The following ADAMTS13 variants were observed in gnomAD, a reference collection of about 807,000 sequenced individuals.
ADAMTS13 encodes ADAM metallopeptidase with thrombospondin type 1 motif 13, also known as A disintegrin and metalloproteinase with thrombospondin motifs 13.
ADAMTS13 carries 110 observed loss-of-function variants against 155.1 expected under a neutral mutation model. The observed-to-expected ratio is 0.71, with a 90% confidence interval of 0.61 to 0.83. ADAMTS13 has a LOEUF of 0.83. ADAMTS13 is among the 40% of genes least tolerant of loss of function. ADAMTS13 has a pLI of 0.00. For missense variants in ADAMTS13, 1,707 were observed against 1,891.7 expected (o/e 0.90, Z 1.81); for synonymous variants, 758 against 756.4 (o/e 1.00, Z -0.03).
Position 133,441,004 on chromosome 9 carries a change from G to A in ADAMTS13, c.1968+479G>A, listed in dbSNP as rs587755899. 8.1e-4 allele frequency among the ~76,000 whole-genome samples: 124 copies of A among 152,272 alleles called. No individual in the cohort carries two copies. The highest frequency in any genetic ancestry group is 1.3e-3 in the Non-Finnish European group (88 of 68,006). The stretch of plus-strand genomic sequence containing the variant: ...CAGTGGCATCTGGGGAGTAGGCCTT[G>A]GTGCTGAGGAAGCTGAGAACAGATG... On this transcript the variant is annotated intron_variant, in intron 16 of 28. Coordinates refer to ENST00000355699, the MANE Select transcript of ADAMTS13 (RefSeq NM_139027.6). The surrounding 1 kb of genome is among the most constrained non-coding windows in gnomAD (Gnocchi z 5.0).
chr9:133,444,773 G>T, intron 19 of ADAMTS13, 90 bp from the exon 20 acceptor site: 1 of 1,380,598 alleles, frequency 7.2e-7, no homozygotes, highest in Non-Finnish European at 1.0e-6. Flanking sequence ...TGGGGAGCAG[G>T]TCCCCTTCCT....
chr9:133,426,577 C>A (rs1490075429), intron 6 of ADAMTS13, among the ~76,000 whole-genome samples: 1 of 152,170 alleles, frequency 6.6e-6, no homozygotes, highest in Non-Finnish European at 1.5e-5. Flanking sequence ...AAAATAACTT[C>A]TGTAGAAAAT....
chr9:133,420,399 T>C (rs1161836404), upstream of ADAMTS13, among the ~76,000 whole-genome samples: 2 of 152,214 alleles, frequency 1.3e-5, no homozygotes, highest in African/African-American at 2.4e-5. Flanking sequence ...TTCCAGCAGT[T>C]TGTAAACCAG....
In ADAMTS13 at chr9:133,436,896, G is replaced by T. The variant is rs782733057; in HGVS notation, c.1376G>T (p.Arg459Leu). 3 of 1,588,002 alleles carry T rather than the reference G, an allele frequency of 1.9e-6. No homozygotes were observed. The highest frequency in any genetic ancestry group is 2.7e-5 in the African/African-American group (2 of 74,566). The change falls in exon 12 of 29, where the codon CGC becomes CTC. Residue 459 changes from arginine to leucine, a missense_variant. By Grantham distance (102) the Arg-to-Leu change is moderately radical (BLOSUM62 -2). Coordinates refer to ENST00000355699, the MANE Select transcript of ADAMTS13 (RefSeq NM_139027.6). ...GCCAGGACCGACGGCCAGCCGCTGC[G>T]CTCCTCCCCTGGCGGCGCCTCCTTC... Reference protein sequence around the residue: ...QCARTDGQPLRSSPGGASFYH... With the variant: ...QCARTDGQPLLSSPGGASFYH...
intron 6 of ADAMTS13, among the ~76,000 whole-genome samples, chr9:133,427,130 AG>A (rs1554785509): frequency 6.6e-6 from 1 of 152,180 alleles, no homozygotes; most frequent in African/African-American, 2.4e-5. Context: ...GGGTAAGTGC[AG>A]GATTTACCTG....
chr9:133,428,704 G>GGCGCC lies in ADAMTS13; in HGVS notation c.763_767dup (p.Ala258ProfsTer16). The GGCGCC allele has an allele frequency of 7.4e-7, 1 of 1,353,024 alleles. No individual in the cohort carries two copies. Among genetic ancestry groups the GGCGCC allele is most frequent in the Non-Finnish European group, 9.5e-7 (1 of 1,050,880 alleles). The allele number at this position is 1,353,024 out of a possible 1,614,324, so 83.8% of individuals were successfully genotyped here. A position where few individuals can be genotyped will look rare whatever the true frequency, so the allele number is the denominator to read the frequency against. ...CAGCGGACACGTGATGGCTTCGGAC[G>GGCGCC]GCGCCGCGCCCCGCGCCGGCCTCGC... On this transcript the variant is annotated frameshift_variant, in exon 7 of 29. Transcript: ENST00000355699. LOFTEE classifies it high-confidence loss of function.
Position 133,428,756 on chromosome 9 carries a change from TG to T in ADAMTS13, c.810del (p.Leu271Ter). On this transcript the variant is annotated frameshift_variant, in exon 7 of 29. Transcript: ENST00000355699. LOFTEE classifies it high-confidence loss of function. Reference sequence around the variant, plus strand: ...TGGTCCCCCTGCAGCCGCCGGCAGCTGCTGAGCCTGCTCAGGTAGCGGCCGC... The same window carrying T: ...TGGTCCCCCTGCAGCCGCCGGCAGCTCTGAGCCTGCTCAGGTAGCGGCCGC... ...LAWSPCSRRQ[L>X]LSLLSAGRAR... 7.4e-7 allele frequency: 1 copy of T among 1,350,600 alleles called. No individual in the cohort carries two copies. Among genetic ancestry groups the T allele is most frequent in the Non-Finnish European group, 9.5e-7 (1 of 1,048,274 alleles). The allele number at this position is 1,350,600 out of a possible 1,614,324, so 83.7% of individuals were successfully genotyped here.
At position 133,425,341 on chromosome 9, in the gene ADAMTS13, A is replaced by G. The variant is rs1256763243; in HGVS notation, c.331-188A>G. 1.3e-5 allele frequency among the ~76,000 whole-genome samples: 2 copies of G among 152,142 alleles called. No homozygotes were observed. Among genetic ancestry groups the G allele is most frequent in the African/African-American group, 4.8e-5 (2 of 41,434 alleles). ...GTTGGCCTTCCTGAGCCATGAGCTG[A>G]GGAGCAACAGAGGCACGGCTGACTG... On this transcript the variant is annotated intron_variant, in intron 3 of 28. Coordinates refer to ENST00000355699, the MANE Select transcript of ADAMTS13 (RefSeq NM_139027.6). This position sits in a 1 kb window ranked among gnomAD's most constrained non-coding sequence, Gnocchi z 4.6.
In ADAMTS13 at chr9:133,432,654, G is replaced by A. The variant is rs377191898; in HGVS notation, c.1054G>A (p.Val352Ile). The change falls in exon 9 of 29, where the codon GTT becomes ATT. Residue 352 changes from valine to isoleucine, a missense_variant. Physicochemically the swap from Val to Ile is conservative, Grantham distance 29. Around this residue, in one of 3 missense-constraint regions of ADAMTS13, gnomAD observed 733 missense variants for 749.6 expected, o/e 0.98. Coordinates refer to ENST00000355699, the MANE Select transcript of ADAMTS13 (RefSeq NM_139027.6). ...CCAAAGCAGCTGCAGCCGCCTCCTC[G>A]TTCCTCTCCTGGATGGGACAGAATG... ...LDQSSCSRLL[V>I]PLLDGTECGV... 17 of 1,559,724 alleles carry A rather than the reference G, an allele frequency of 1.1e-5. No individual in the cohort carries two copies. Among genetic ancestry groups the A allele is most frequent in the South Asian group, 2.4e-5 (2 of 84,732 alleles).
chr9:133,459,322 G>A lies in ADAMTS13; in HGVS notation c.*142G>A. On this transcript the variant is annotated 3_prime_UTR_variant, in exon 29 of 29. Transcript: ENST00000355699. ...ATGTCCAAAAGGCTAGGGGGTTGGAGGTGGGGACTCTGGAAAAGCAGCCCC... is the reference window on the plus strand; with the variant it reads ...ATGTCCAAAAGGCTAGGGGGTTGGAAGTGGGGACTCTGGAAAAGCAGCCCC... 1.1e-6 allele frequency: 1 copy of A among 881,414 alleles called. No homozygotes were observed. The highest frequency in any genetic ancestry group is 1.8e-6 in the Non-Finnish European group (1 of 548,896). The allele number at this position is 881,414 out of a possible 1,614,324, so 54.6% of individuals were successfully genotyped here.
In ADAMTS13 at chr9:133,448,625, A is replaced by G. The variant is rs201241072; in HGVS notation, c.2758A>G (p.Met920Val). The change falls in exon 22 of 29, where the codon ATG (methionine) becomes GTG (valine). Residue 920 changes from methionine to valine, a missense_variant. By Grantham distance (21) the Met-to-Val change is conservative. This residue lies in a region of ADAMTS13 where 961 missense variants were observed against 1,107.9 expected (regional missense o/e 0.87). Coordinates refer to ENST00000355699, the MANE Select transcript of ADAMTS13 (RefSeq NM_139027.6). ...RGLMELRFLC[M>V]DSALRVPVQE... ...TCTGATGGAGCTGCGTTTCCTGTGC[A>G]TGGACTCTGCCCTCAGGGTGCCTGT... 2.5e-6 allele frequency: 4 copies of G among 1,610,176 alleles called. No homozygotes were observed. The African/African-American group carries it at 4.0e-5, about 16-fold the overall frequency.
intron 27 of ADAMTS13, among the ~76,000 whole-genome samples, chr9:133,457,365 C>T (rs1842809878): frequency 6.6e-6 from 1 of 152,184 alleles, no homozygotes; most frequent in South Asian, 2.1e-4. Context: ...TGCGCCGCCT[C>T]CTTGCCCCAG....
rs1841988725 is a variant in ADAMTS13 at position 133,445,381 on chromosome 9, G to A, written c.2611-318G>A. On this transcript the variant is annotated intron_variant, in intron 20 of 28. Transcript: ENST00000355699. This position sits in a 1 kb window ranked among gnomAD's most constrained non-coding sequence, Gnocchi z 5.0. ...ACTGGCCTTGCTCTCTGGCCTGGGT[G>A]CTGGCAACCCTCGCCCCTCATGGCT... Among the ~76,000 whole-genome samples, 1 of 152,176 alleles carries A rather than the reference G, an allele frequency of 6.6e-6. No homozygotes were observed. The highest frequency in any genetic ancestry group is 1.5e-5 in the Non-Finnish European group (1 of 68,008).
Position 133,424,324 on chromosome 9 carries a change from G to A in ADAMTS13, c.176G>A (p.Arg59His), listed in dbSNP as rs370929256. Residue 59 changes from arginine (R) to histidine (H), a missense_variant, in exon 3 of 29, where the codon CGC (arginine) becomes CAC (histidine). By Grantham distance (29) the Arg-to-His change is conservative. Coordinates refer to ENST00000355699, the MANE Select transcript of ADAMTS13 (RefSeq NM_139027.6). This position sits in a 1 kb window ranked among gnomAD's most constrained non-coding sequence, Gnocchi z 4.3. ...YLSPGAPLKG[R>H]PPSPGFQRQR... is the part of the protein sequence containing the mutation. ...TGCTCTCCCTCTCCCCCTCCAGGCC[G>A]CCCTCCTTCCCCTGGCTTCCAGAGG... is the stretch of plus-strand genomic sequence containing the variant. 22 of 1,612,036 alleles carry A rather than the reference G, an allele frequency of 1.4e-5. No homozygotes were observed. The highest frequency in any genetic ancestry group is 2.2e-5 in the South Asian group (2 of 91,014).
upstream of ADAMTS13, among the ~76,000 whole-genome samples, chr9:133,421,453 T>C (rs990435789): frequency 6.6e-6 from 1 of 152,200 alleles, no homozygotes; most frequent in South Asian, 2.1e-4. Context: ...CCATAACACT[T>C]ACCACCTTTG....
In ADAMTS13 at chr9:133,459,106, C is replaced by A; in HGVS notation, c.4042C>A (p.Gln1348Lys). 6.2e-7 allele frequency: 1 copy of A among 1,612,936 alleles called. No homozygotes were observed. The highest frequency in any genetic ancestry group is 1.1e-5 in the South Asian group (1 of 91,006). The change falls in exon 29 of 29, where the codon CAG becomes AAG. Residue 1348 changes from glutamine to lysine, a missense_variant. Transcript: ENST00000355699. ...GAAGGCTCAGGCCAGCCTGCGGGGC[C>A]AGTACTGGACCCTCCAATCATGGGT... ...FLKAQASLRG[Q>K]YWTLQSWVPE...
At chr9:133,422,869 C>T (rs1352208867) in intron 1 of ADAMTS13, among the ~76,000 whole-genome samples, 1 of 151,776 alleles carries the variant, frequency 6.6e-6, no homozygotes, top group Admixed American at 6.6e-5. Flanking sequence ...TGGCCTCACC[C>T]ACCTCCTGCC....
At chr9:133,436,414 C>T (rs1393691829) in intron 11 of ADAMTS13, among the ~76,000 whole-genome samples, 1 of 152,024 alleles carries the variant, frequency 6.6e-6, no homozygotes, top group Non-Finnish European at 1.5e-5. Flanking sequence ...TATCTTCTGT[C>T]AGCCCATAAA....
At chr9:133,444,038 G>T (rs971290144) in intron 19 of ADAMTS13, among the ~76,000 whole-genome samples, 2 of 152,148 alleles carry the variant, frequency 1.3e-5, no homozygotes, top group African/African-American at 2.4e-5. Context: ...GGTGGGAGGG[G>T]ATTGGTCTGG....
Sources: gnomAD v4.1 joint callset for allele counts (sites outside exome capture counted in the v4.1 genomes callset) on GRCh38, gnomAD v4.1.1 for gene constraint, gnomAD v4.1.1 regional missense constraint, Gnocchi (gnomAD v3.1) non-coding constraint, MANE v1.5 for transcripts, NCBI Gene and HGNC (gene_info 2026-07-23, HGNC 2026-07-21) for gene names.